Variants in TLN2 observed in about 807,000 individuals in gnomAD.
The protein encoded by TLN2 is talin-2.
Under a neutral mutation model 294.7 loss-of-function variants are expected in TLN2, and 118 were observed. That is an observed-to-expected ratio of 0.40 (90% CI 0.34 to 0.47). The LOEUF (loss-of-function observed/expected upper bound fraction) is 0.47. Among genes scored for constraint, TLN2 ranks in the 20% least tolerant of loss-of-function variants. TLN2 has a pLI of 0.84. For missense variants in TLN2, 3,083 were observed against 3,282.2 expected, an observed-to-expected ratio of 0.94 and a Z score of 1.48; for synonymous variants, 1,431 against 1,304.5, an observed-to-expected ratio of 1.10 and a Z score of -2.09.
At chr15:62,809,655 G>A (rs142056913) in intron 51 of TLN2, among the ~76,000 whole-genome samples, 1 of 152,202 alleles carries the variant, frequency 6.6e-6, no homozygotes, top group Admixed American at 6.5e-5. Flanking sequence ...AATGTGGGGT[G>A]GGAAAAGGAG....
At chr15:62,677,713 T>C (rs547150592) in intron 11 of TLN2, among the ~76,000 whole-genome samples, 21 of 151,384 alleles carry the variant, frequency 1.4e-4, no homozygotes, top group African/African-American at 5.1e-4. Flanking sequence ...CTCCCTTTCC[T>C]CTCTTTCTTT....
At chr15:62,810,143 G>A (rs1180165845) in intron 52 of TLN2, 111 bp downstream of exon 52, 2 of 858,992 alleles carry the variant, frequency 2.3e-6, no homozygotes, top group Non-Finnish European at 3.8e-6. Context: ...CCTGTCCATT[G>A]CCACTGTGAG....
chr15:62,394,626 G>A (rs1418540546), intron 1 of TLN2, among the ~76,000 whole-genome samples: 1 of 152,186 alleles, frequency 6.6e-6, no homozygotes, highest in Non-Finnish European at 1.5e-5. Flanking sequence ...AGTTCAAAGA[G>A]TTAGGGAATG....
At chr15:62,649,983 A>G (rs1004059913) in intron 4 of TLN2, 101 bp from the exon 5 acceptor site, 8 of 1,125,718 alleles carry the variant, frequency 7.1e-6, no homozygotes, top group Non-Finnish European at 1.1e-5. Context: ...GGTGAAGGAG[A>G]ACACCCACAT....
chr15:62,723,337 A>AATGC (rs2060256544), intron 26 of TLN2, among the ~76,000 whole-genome samples: 1 of 152,142 alleles, frequency 6.6e-6, no homozygotes, highest in South Asian at 2.1e-4. Context: ...TGCTTATTAG[A>AATGC]ATGCACATCC....
At chr15:62,813,935 C>T (rs1403760649) in intron 52 of TLN2, among the ~76,000 whole-genome samples, 2 of 152,056 alleles carry the variant, frequency 1.3e-5, no homozygotes, top group Non-Finnish European at 2.9e-5. Flanking sequence ...CTGCCTCAGC[C>T]TCCCAAGTAG....
At chr15:62,401,514 C>T (rs1309369258) in intron 1 of TLN2, among the ~76,000 whole-genome samples, 2 of 152,166 alleles carry the variant, frequency 1.3e-5, no homozygotes, top group Admixed American at 1.3e-4. Flanking sequence ...TGGGTTTCTT[C>T]TGCACTGTTC....
chr15:62,807,299 A>G (rs1437466696), intron 51 of TLN2, among the ~76,000 whole-genome samples: 1 of 152,226 alleles, frequency 6.6e-6, no homozygotes, highest in East Asian at 1.9e-4. Flanking sequence ...AAGAGCTGTC[A>G]TATATATTCT....
chr15:62,446,045 CGCCCGG>C (rs926410717), intron 1 of TLN2, among the ~76,000 whole-genome samples: 2 of 151,180 alleles, frequency 1.3e-5, no homozygotes, highest in Non-Finnish European at 2.9e-5. Flanking sequence ...GTCTCACTGT[CGCCCGG>C]GCTGGAGTGC....
Position 62,797,400 on chromosome 15 carries a change from C to T in TLN2, c.6232C>T (p.Gln2078Ter). ...CCTGGGCTCCGACGACCCCGAGACC[C>T]AGGTACCAGCAGGGCCTGGGGAGTG... ...ASLGSDDPET[Q>*]VVLINAIKDV... is the part of the protein sequence containing the mutation. The change falls in exon 48 of 59, where the codon CAG becomes TAG. Residue 2078 changes from glutamine to a stop codon, truncating the protein, a stop_gained and splice_region_variant. Transcript: ENST00000636159. LOFTEE classifies it high-confidence loss of function. 1 of 1,598,486 alleles carries T rather than the reference C, an allele frequency of 6.3e-7. No individual in the cohort carries two copies. The highest frequency in any genetic ancestry group is 8.5e-7 in the Non-Finnish European group (1 of 1,174,866).
chr15:62,467,920 T>G (rs910939274), intron 1 of TLN2, among the ~76,000 whole-genome samples: 5 of 152,080 alleles, frequency 3.3e-5, no homozygotes, highest in Admixed American at 6.5e-5. Flanking sequence ...CATCTAAAAT[T>G]TCTGGTTGGA....
chr15:62,506,929 T>C (rs1431995419), intron 1 of TLN2, among the ~76,000 whole-genome samples: 1 of 152,238 alleles, frequency 6.6e-6, no homozygotes, highest in Non-Finnish European at 1.5e-5. Flanking sequence ...CTTATGTGTA[T>C]CTGTCATTTC....
intron 3 of TLN2, among the ~76,000 whole-genome samples, chr15:62,625,057 G>C (rs2049160327): frequency 6.6e-6 from 1 of 152,190 alleles, no homozygotes; most frequent in African/African-American, 2.4e-5. Flanking sequence ...GGAGGATTCA[G>C]GGGTGTGTGT....
chr15:62,455,060 A>G (rs150004327), intron 1 of TLN2, among the ~76,000 whole-genome samples: 1 of 152,302 alleles, frequency 6.6e-6, no homozygotes, highest in Non-Finnish European at 1.5e-5. Flanking sequence ...TACTAAGCAC[A>G]AGGAATTTGA....
In TLN2 at chr15:62,717,646, A is replaced by G. The variant is rs755581415; in HGVS notation, c.2834A>G (p.Asn945Ser). The part of the protein sequence containing the change: ...IAASQNAAVS[N>S]KNPAAQQQLV... ...GCCTCCCAGAATGCAGCTGTTTCCAACAAGAACCCTGCGGCCCAGCAGCAG... is the reference window on the plus strand; with the variant it reads ...GCCTCCCAGAATGCAGCTGTTTCCAGCAAGAACCCTGCGGCCCAGCAGCAG... The change falls in exon 24 of 59, where the codon AAC becomes AGC. Residue 945 changes from asparagine (N) to serine (S), a missense_variant. By Grantham distance (46) the Asn-to-Ser change is conservative (BLOSUM62 1). Coordinates refer to ENST00000636159, the MANE Select transcript of TLN2 (RefSeq NM_015059.3). The G allele has an allele frequency of 6.2e-7, 1 of 1,605,392 alleles. No homozygotes were observed. The highest frequency in any genetic ancestry group is 8.5e-7 in the Non-Finnish European group (1 of 1,176,466).
chr15:62,748,214 G>T, intron 32 of TLN2, 137 bp from the exon 33 acceptor site: 1 of 646,612 alleles, frequency 1.5e-6, no homozygotes, highest in Non-Finnish European at 2.7e-6. Context: ...GTTGTGTAGA[G>T]CCTCTGCAGA....
At chr15:62,692,173 T>A (rs539910832) in intron 12 of TLN2, among the ~76,000 whole-genome samples, 1 of 152,354 alleles carries the variant, frequency 6.6e-6, no homozygotes, top group South Asian at 2.1e-4. Flanking sequence ...GTTGGTTCTG[T>A]CGATGAAGGC....
rs1010934249 is a variant in TLN2, at chr15:62,771,228, A to G, written c.5367+94A>G. 9 of 1,355,248 alleles carry G rather than the reference A, an allele frequency of 6.6e-6. No individual in the cohort carries two copies. In the East Asian group the frequency reaches 1.7e-4, roughly 26 times the overall value. The allele number at this position is 1,355,248 out of a possible 1,614,324, so 84.0% of individuals were successfully genotyped here. A position where few individuals can be genotyped will look rare whatever the true frequency, so the allele number is the denominator to read the frequency against. ...TGTCCTTCCAGGAGAAAACACTTCC[A>G]GTTCTTGCTGGTGGCATTTGAGCTC... is the stretch of plus-strand genomic sequence containing the variant. On this transcript the variant is annotated intron_variant, in intron 42 of 58. Coordinates refer to ENST00000636159, the MANE Select transcript of TLN2 (RefSeq NM_015059.3).
At chr15:62,797,426 C>T (rs762333786) in intron 48 of TLN2, 24 bp downstream of exon 48, 7 of 1,566,722 alleles carry the variant, frequency 4.5e-6, no homozygotes, top group Admixed American at 1.9e-5. Context: ...CTGGGGAGTG[C>T]GTCCTCCCGG....
Sources: gnomAD v4.1 joint callset for allele counts (sites outside exome capture counted in the v4.1 genomes callset) on GRCh38, gnomAD v4.1.1 for gene constraint, MANE v1.5 for transcripts, NCBI Gene and HGNC (gene_info 2026-07-23, HGNC 2026-07-21) for gene names.